The following CDK19 variants were observed in gnomAD, a reference collection of about 807,000 sequenced individuals.
The protein encoded by CDK19 is cyclin dependent kinase 19, also known as cyclin-dependent kinase 19.
Under a neutral mutation model 68.3 loss-of-function variants are expected in CDK19, and 20 were observed. That is an observed-to-expected ratio of 0.29 (90% confidence interval 0.21 to 0.43). The LOEUF (loss-of-function observed/expected upper bound fraction) is 0.43. Among genes scored for constraint, CDK19 ranks in the 20% least tolerant of loss-of-function variants. The probability of loss-of-function intolerance (pLI) is 1.00; values close to 1 mark genes in which losing one functional copy is unlikely to be tolerated. For synonymous variants in CDK19, 221 were observed against 222.8 expected (o/e 0.99, Z 0.07); for missense variants, 339 against 623.5 (o/e 0.54, Z 4.86).
intron 2 of CDK19, among the ~76,000 whole-genome samples, chr6:110,705,442 T>G (rs1326100954): frequency 6.6e-6 from 1 of 152,116 alleles, no homozygotes; most frequent in Non-Finnish European, 1.5e-5. Context: ...GAGAGAGTGC[T>G]CAACTGCAGG....
chr6:110,701,606 C>T (rs945638393), intron 2 of CDK19, among the ~76,000 whole-genome samples: 2 of 150,790 alleles, frequency 1.3e-5, no homozygotes, highest in Admixed American at 6.6e-5. Context: ...GCAGAGAATA[C>T]GAACAGACAT....
chr6:110,809,236 C>A (rs1782898748), intron 1 of CDK19, among the ~76,000 whole-genome samples: 1 of 151,536 alleles, frequency 6.6e-6, no homozygotes. Context: ...AGAAATGGGC[C>A]AGGCACAGTG....
chr6:110,649,809 T>G (rs921259140), intron 4 of CDK19, among the ~76,000 whole-genome samples: 1 of 152,180 alleles, frequency 6.6e-6, no homozygotes, highest in African/African-American at 2.4e-5. Flanking sequence ...ATTTTATACC[T>G]ACTAGATGGG....
At chr6:110,777,791 G>T (rs577016029) in intron 1 of CDK19, among the ~76,000 whole-genome samples, 2 of 152,192 alleles carry the variant, frequency 1.3e-5, no homozygotes, top group Non-Finnish European at 2.9e-5. Flanking sequence ...GCATATACAT[G>T]TAACAGAATA....
intron 2 of CDK19, among the ~76,000 whole-genome samples, chr6:110,734,520 G>GCTCGCTCGCTCTCTCTCT (rs991736850): frequency 7.0e-5 from 6 of 85,734 alleles, no homozygotes; most frequent in Non-Finnish European, 1.4e-4. Context: ...GGTGAGCACT[G>GCTCGCTCGCTCTCTCTCT]CTCTCTCTCT....
Position 110,621,279 on chromosome 6 carries a change from T to C in CDK19, c.1202A>G (p.Asn401Ser). ...TGCGGTCCCGTTGGTCTGGGTGCTG[T>C]TCTGCTGTGGTGGGGGCGCCTGTGG... ...APPQAPPPQQ[N>S]STQTNGTAGG... Residue 401 changes from asparagine (N) to serine (S), a missense_variant, in exon 12 of 13, where the codon AAC (asparagine) becomes AGC (serine). Physicochemically the swap from Asn to Ser is conservative, Grantham distance 46 (BLOSUM62 1). Transcript: ENST00000368911. The surrounding 1 kb of genome is among the most constrained non-coding windows in gnomAD (Gnocchi z 5.4). 6.2e-7 allele frequency: 1 copy of C among 1,612,922 alleles called. No individual in the cohort carries two copies. The highest frequency in any genetic ancestry group is 1.3e-5 in the African/African-American group (1 of 75,026).
intron 2 of CDK19, among the ~76,000 whole-genome samples, chr6:110,733,127 G>A (rs1038031358): frequency 6.6e-6 from 1 of 152,006 alleles, no homozygotes; most frequent in Non-Finnish European, 1.5e-5. Context: ...CCCACCCAAG[G>A]CAATCACTAT....
intron 1 of CDK19, among the ~76,000 whole-genome samples, chr6:110,785,074 CAA>C (rs66578190): frequency 1.7e-3 from 109 of 64,928 alleles, no homozygotes; most frequent in African/African-American, 4.0e-3. Flanking sequence ...ACTGAATTGT[CAA>C]AAAAAAAAAA....
At chr6:110,685,416 G>C (rs1772391330) in intron 2 of CDK19, among the ~76,000 whole-genome samples, 1 of 152,240 alleles carries the variant, frequency 6.6e-6, no homozygotes, top group South Asian at 2.1e-4. Flanking sequence ...TCTCTTCTAT[G>C]TTCCCATCCA....
chr6:110,693,461 G>A (rs1333841804), intron 2 of CDK19, among the ~76,000 whole-genome samples: 1 of 152,244 alleles, frequency 6.6e-6, no homozygotes, highest in Non-Finnish European at 1.5e-5. Flanking sequence ...GAAGGGGCAA[G>A]GCTGGAAAGC....
chr6:110,740,172 C>G (rs1022147437), intron 2 of CDK19, among the ~76,000 whole-genome samples: 2 of 152,048 alleles, frequency 1.3e-5, no homozygotes, highest in Admixed American at 6.6e-5. Context: ...CTTTTACCAG[C>G]CTTTTTCTAT....
chr6:110,667,152 C>A (rs1379229959), intron 4 of CDK19, among the ~76,000 whole-genome samples: 1 of 152,122 alleles, frequency 6.6e-6, no homozygotes, highest in Non-Finnish European at 1.5e-5. Context: ...GCATGCTTCA[C>A]ATGTGACTAC....
At chr6:110,752,054 TAAC>T (rs936658568) in intron 1 of CDK19, among the ~76,000 whole-genome samples, 23 of 149,546 alleles carry the variant, frequency 1.5e-4, no homozygotes, top group African/African-American at 4.9e-4. Context: ...AAATTTGAAA[TAAC>T]AAAAAAAAAA....
At chr6:110,643,091 C>CCTG in intron 4 of CDK19, 1 of 722,890 alleles carries the variant, frequency 1.4e-6, no homozygotes, top group Non-Finnish European at 1.9e-6. Context: ...GGAAGCTGAG[C>CCTG]CTGCTACCCC....
At chr6:110,702,888 T>C (rs956447558) in intron 2 of CDK19, among the ~76,000 whole-genome samples, 2 of 152,214 alleles carry the variant, frequency 1.3e-5, no homozygotes, top group Admixed American at 6.5e-5. Flanking sequence ...TTTAACATTT[T>C]TCATTTTGTA....
intron 2 of CDK19, among the ~76,000 whole-genome samples, chr6:110,705,468 TCATAAA>T (rs376266535): frequency 1.5e-4 from 23 of 151,916 alleles, no homozygotes; most frequent in African/African-American, 4.8e-4. Flanking sequence ...AACTTGGGAG[TCATAAA>T]CATAGAGAAG....
intron 1 of CDK19, among the ~76,000 whole-genome samples, chr6:110,780,246 C>T (rs1281217111): frequency 1.3e-5 from 2 of 150,880 alleles, no homozygotes. Flanking sequence ...AAAAATTAGC[C>T]GGGCGTGGTG....
chr6:110,710,900 G>A (rs1273225173), intron 2 of CDK19, among the ~76,000 whole-genome samples: 1 of 152,134 alleles, frequency 6.6e-6, no homozygotes, highest in Non-Finnish European at 1.5e-5. Flanking sequence ...CTTCATTTCT[G>A]CATTAGATTC....
chr6:110,619,365 A>C (rs932485115), intron 12 of CDK19, among the ~76,000 whole-genome samples: 2 of 152,186 alleles, frequency 1.3e-5, no homozygotes, highest in Non-Finnish European at 2.9e-5. Flanking sequence ...TCAGGCAGTC[A>C]AGGTTTTAAC....
Sources: gnomAD v4.1 joint callset for allele counts (sites outside exome capture counted in the v4.1 genomes callset) on GRCh38, gnomAD v4.1.1 for gene constraint, Gnocchi (gnomAD v3.1) non-coding constraint, MANE v1.5 for transcripts, NCBI Gene and HGNC (gene_info 2026-07-23, HGNC 2026-07-21) for gene names.